Variants in CRYBA1 observed in about 807,000 individuals in gnomAD.
The protein encoded by CRYBA1 is crystallin beta A1.
Under a neutral mutation model 36.2 loss-of-function variants are expected in CRYBA1, and 25 were observed. The ratio of observed to expected loss-of-function variants is 0.69; its 90% confidence interval spans 0.50 to 0.97. The LOEUF is 0.97. CRYBA1 is among the 50% of genes least tolerant of loss of function. CRYBA1 has a pLI of 0.00. For synonymous variants in CRYBA1, 111 were observed against 90.0 expected (o/e 1.23, Z -1.32); for missense variants, 224 against 276.3 (o/e 0.81, Z 1.34).
chr17:29,253,911 C>A, intron 5 of CRYBA1, 129 bp downstream of exon 5: 1 of 1,289,938 alleles, frequency 7.8e-7, no homozygotes, highest in Non-Finnish European at 1.1e-6. Context: ...AATTTTGAAT[C>A]TCAATTTCTT....
chr17:29,248,433 C>T (rs1200282596), intron 1 of CRYBA1, among the ~76,000 whole-genome samples: 8 of 150,012 alleles, frequency 5.3e-5, no homozygotes, highest in African/African-American at 2.0e-4. Context: ...GGCACGATCT[C>T]AGCTCACTGC....
At chr17:29,253,918 T>C in intron 5 of CRYBA1, 136 bp downstream of exon 5, 9 of 1,233,826 alleles carry the variant, frequency 7.3e-6, no homozygotes, top group Non-Finnish European at 1.0e-5. Context: ...AATCTCAATT[T>C]CTTTATACCA....
rs754635611 is a variant in CRYBA1, at chr17:29,249,131, C to G, written c.32-11C>G. On this transcript the variant is annotated splice_polypyrimidine_tract_variant and intron_variant, in intron 1 of 5. Coordinates refer to ENST00000225387, the MANE Select transcript of CRYBA1 (RefSeq NM_005208.5). ...AGAGGCCACATCATTCGTGTGTGCT[C>G]TGTCTTCCAGAAACCCTTCCAACCA... The G allele has an allele frequency of 1.9e-6, 3 of 1,600,502 alleles. No homozygotes were observed. Among genetic ancestry groups the G allele is most frequent in the Non-Finnish European group, 1.7e-6 (2 of 1,167,564 alleles).
At position 29,254,481 on chromosome 17, in the gene CRYBA1, T is replaced by C; in HGVS notation, c.*132T>C. 1.0e-6 allele frequency: 1 copy of C among 966,294 alleles called. No individual in the cohort carries two copies. The highest frequency in any genetic ancestry group is 1.6e-6 in the Non-Finnish European group (1 of 634,766). 59.9% of individuals were successfully genotyped at this position (966,294 alleles called of 1,614,324 possible). On this transcript the variant is annotated 3_prime_UTR_variant, in exon 6 of 6. Transcript: ENST00000225387. ...TGCTGAAATCCACAATAAACGTCAT[T>C]TAAAAAAAAAAAACTTTGTAGACTG...
At chr17:29,248,047 C>T (rs1003438032) in intron 1 of CRYBA1, among the ~76,000 whole-genome samples, 3 of 150,822 alleles carry the variant, frequency 2.0e-5, no homozygotes, top group Admixed American at 6.6e-5. Flanking sequence ...ACCTGGGAGG[C>T]GGAGGTTGCG....
intron 4 of CRYBA1, among the ~76,000 whole-genome samples, chr17:29,252,471 T>C (rs2068941908): frequency 6.6e-6 from 1 of 152,180 alleles, no homozygotes; most frequent in Non-Finnish European, 1.5e-5. Context: ...TGTGAAACAC[T>C]AGTAAATGAG....
At chr17:29,249,449 C>G (rs900593744) in intron 2 of CRYBA1, among the ~76,000 whole-genome samples, 2 of 152,214 alleles carry the variant, frequency 1.3e-5, no homozygotes, top group Admixed American at 6.5e-5. Context: ...CCTAACTCCT[C>G]TCTCCTCCCC....
At chr17:29,253,847 GTTTTA>G (rs1417921803) in intron 5 of CRYBA1, 65 bp downstream of exon 5, 1 of 1,569,790 alleles carries the variant, frequency 6.4e-7, no homozygotes, top group African/African-American at 1.4e-5. Flanking sequence ...CAATAGTTAT[GTTTTA>G]ATCAGATTTC....
intron 3 of CRYBA1, among the ~76,000 whole-genome samples, chr17:29,250,799 T>A (rs2068931361): frequency 6.6e-6 from 1 of 152,178 alleles, no homozygotes; most frequent in Non-Finnish European, 1.5e-5. Flanking sequence ...TCCTGATTCA[T>A]CTTTCAGGCA....
chr17:29,252,250 C>A (rs1567671290), intron 4 of CRYBA1, 45 bp downstream of exon 4: 1 of 1,611,858 alleles, frequency 6.2e-7, no homozygotes, highest in Non-Finnish European at 8.5e-7. Context: ...AGGGATGGGA[C>A]AAGAGGGTGT....
rs1451756076 is a variant in CRYBA1 at position 29,250,056 on chromosome 17, T to C, written c.97-126T>C. On this transcript the variant is annotated intron_variant, in intron 2 of 5. Coordinates refer to ENST00000225387, the MANE Select transcript of CRYBA1 (RefSeq NM_005208.5). ...TGCCCTGTCTACACTGGAAGAGACC[T>C]CATCAGGCATCCCAGGCTACAGCTG... The C allele has an allele frequency of 3.9e-6, 3 of 762,124 alleles. No individual in the cohort carries two copies. The African/African-American group carries it at 5.1e-5, about 13-fold the overall frequency. The allele number at this position is 762,124 out of a possible 1,614,324, so 47.2% of individuals were successfully genotyped here. A position where few individuals can be genotyped will look rare whatever the true frequency, so the allele number is the denominator to read the frequency against.
chr17:29,250,906 A>G (rs1228809654), intron 3 of CRYBA1, among the ~76,000 whole-genome samples: 1 of 152,164 alleles, frequency 6.6e-6, no homozygotes, highest in Non-Finnish European at 1.5e-5. Flanking sequence ...TTAGCCTGAA[A>G]ATACCTAAGG....
chr17:29,248,407 C>G (rs1434840724), intron 1 of CRYBA1, among the ~76,000 whole-genome samples: 1 of 150,644 alleles, frequency 6.6e-6, no homozygotes, highest in Non-Finnish European at 1.5e-5. Flanking sequence ...CTCTGTTGCC[C>G]AAGCTGGAGT....
At chr17:29,249,336 C>T in intron 2 of CRYBA1, 130 bp downstream of exon 2, 1 of 680,850 alleles carries the variant, frequency 1.5e-6, no homozygotes, top group Non-Finnish European at 2.6e-6. Context: ...AAGGTCCACA[C>T]AAGCTCCAGT....
rs2068941693 is a variant in CRYBA1 at position 29,252,431 on chromosome 17, A to G, written c.357+226A>G. Among the ~76,000 whole-genome samples, 8 of 152,356 alleles carry G rather than the reference A, an allele frequency of 5.3e-5. No individual in the cohort carries two copies. The South Asian group carries it at 1.0e-3, about 20-fold the overall frequency. The stretch of plus-strand genomic sequence containing the variant: ...AAAACTAAGGGTCTTACAAGTGGCA[A>G]TAAGTGGATACTCAAGAGCCCAGTA... On this transcript the variant is annotated intron_variant, in intron 4 of 5. Coordinates refer to ENST00000225387, the MANE Select transcript of CRYBA1 (RefSeq NM_005208.5).
At chr17:29,248,523 C>G (rs2068915467) in intron 1 of CRYBA1, among the ~76,000 whole-genome samples, 1 of 151,534 alleles carries the variant, frequency 6.6e-6, no homozygotes, top group African/African-American at 2.4e-5. Flanking sequence ...TGCCATCATA[C>G]CCGGCTAATT....
Position 29,251,994 on chromosome 17 carries a change from G to A in CRYBA1, c.216-70G>A, listed in dbSNP as rs192495948. On this transcript the variant is annotated intron_variant, in intron 3 of 5. Coordinates refer to ENST00000225387, the MANE Select transcript of CRYBA1 (RefSeq NM_005208.5). Reference sequence around the variant, plus strand: ...ACCCCACTATTGACTTATCTAAAACGAAAGATGCCTTCTCCCCAAGGCCAT... The same window carrying A: ...ACCCCACTATTGACTTATCTAAAACAAAAGATGCCTTCTCCCCAAGGCCAT... 464 of 1,607,400 alleles carry A rather than the reference G, an allele frequency of 2.9e-4. 1 individual carries two copies. The African/African-American group carries it at 5.4e-3, about 19-fold the overall frequency.
Position 29,249,128 on chromosome 17 carries a change from GCT to G in CRYBA1, c.32-11_32-10del, listed in dbSNP as rs767267146. ...CCAAGAGGCCACATCATTCGTGTGT[GCT>G]CTGTCTTCCAGAAACCCTTCCAACC... On this transcript the variant is annotated splice_polypyrimidine_tract_variant and intron_variant, in intron 1 of 5. Coordinates refer to ENST00000225387, the MANE Select transcript of CRYBA1 (RefSeq NM_005208.5). 6 of 1,592,632 alleles carry G rather than the reference GCT, an allele frequency of 3.8e-6. No homozygotes were observed. In the South Asian group the frequency reaches 5.5e-5, roughly 15 times the overall value.
chr17:29,246,913 G>C lies in CRYBA1; in HGVS notation c.31+19G>C. On this transcript the variant is annotated intron_variant, in intron 1 of 5. Coordinates refer to ENST00000225387, the MANE Select transcript of CRYBA1 (RefSeq NM_005208.5). The stretch of plus-strand genomic sequence containing the variant: ...GAGCTGGGTGAGTAAGGCCCTCAGG[G>C]TGCCCTTGCCCTTCCTCTCCTTGCC... 6.2e-7 allele frequency: 1 copy of C among 1,605,990 alleles called. No individual in the cohort carries two copies. Among genetic ancestry groups the C allele is most frequent in the Non-Finnish European group, 8.5e-7 (1 of 1,176,774 alleles).
Sources: allele counts gnomAD v4.1 joint callset (sites outside exome capture counted in the v4.1 genomes callset), GRCh38; gene constraint gnomAD v4.1.1; transcripts MANE v1.5; gene names NCBI Gene and HGNC (gene_info 2026-07-23, HGNC 2026-07-21).